NPR1: variants seen among roughly 807,000 people sequenced by gnomAD.
NPR1 encodes natriuretic peptide receptor 1.
Under a neutral mutation model 116.9 loss-of-function variants are expected in NPR1, and 57 were observed. The observed-to-expected ratio is 0.49, with a 90% CI of 0.39 to 0.61. NPR1 has a LOEUF of 0.61. NPR1 is among the 20% of genes least tolerant of loss of function. The probability of loss-of-function intolerance (pLI) is 0.00; values close to 1 mark genes in which losing one functional copy is unlikely to be tolerated. For missense variants in NPR1, 1,096 were observed against 1,409.8 expected, an observed-to-expected ratio of 0.78 and a Z score of 3.56; for synonymous variants, 555 against 601.6, an observed-to-expected ratio of 0.92 and a Z score of 1.13.
At chr1:153,683,624 C>T in intron 6 of NPR1, 113 bp downstream of exon 6, 1 of 1,546,362 alleles carries the variant, frequency 6.5e-7, no homozygotes, top group Non-Finnish European at 8.9e-7. Flanking sequence ...AGAATGACTC[C>T]TGCCTTTTTC....
rs1315832448 is a variant in NPR1, at chr1:153,678,754, C to T, written c.-355C>T. On this transcript the variant is annotated 5_prime_UTR_variant, in exon 1 of 22. Transcript: ENST00000368680. This position sits in a 1 kb window ranked among gnomAD's most constrained non-coding sequence, Gnocchi z 5.8. Reference sequence around the variant, plus strand: ...ACTCCTCTTTCCTCCCTCGCGCGCCCTCTCTCATCCTTCTTCACGAAGCGC... The same window carrying T: ...ACTCCTCTTTCCTCCCTCGCGCGCCTTCTCTCATCCTTCTTCACGAAGCGC... The T allele has an allele frequency of 1.3e-5, 4 of 300,836 alleles. No homozygotes were observed. Among genetic ancestry groups the T allele is most frequent in the South Asian group, 9.6e-5 (1 of 10,408 alleles). 18.6% of individuals were successfully genotyped at this position (300,836 alleles called of 1,614,324 possible). A position where few individuals can be genotyped will look rare whatever the true frequency, so the allele number is the denominator to read the frequency against.
intron 19 of NPR1, 28 bp from the exon 20 acceptor site, chr1:153,690,256 G>C: frequency 6.5e-7 from 1 of 1,531,536 alleles, no homozygotes; most frequent in Non-Finnish European, 8.9e-7. Context: ...TCGCTGATGG[G>C]CTCTGCTCCT....
At chr1:153,682,694 C>A in intron 5 of NPR1, 105 bp downstream of exon 5, 1 of 829,502 alleles carries the variant, frequency 1.2e-6, no homozygotes, top group Non-Finnish European at 2.0e-6. Context: ...TGTAGCCATT[C>A]CACCATGCCT....
intron 9 of NPR1, 21 bp downstream of exon 9, chr1:153,685,901 C>T: frequency 1.2e-6 from 2 of 1,606,344 alleles, no homozygotes; most frequent in Non-Finnish European, 1.7e-6. Flanking sequence ...GGAAAGATCA[C>T]TGGGCCTTGG....
At chr1:153,682,111 G>A (rs1408165966) in intron 4 of NPR1, among the ~76,000 whole-genome samples, 2 of 151,830 alleles carry the variant, frequency 1.3e-5, no homozygotes, top group Non-Finnish European at 2.9e-5. Context: ...CTGGAGTGTG[G>A]TGGTGCAATC....
rs1670134911 is a variant in NPR1 at position 153,692,509 on chromosome 1, T to G, written c.3032-597T>G. Among the ~76,000 whole-genome samples the G allele has an allele frequency of 3.6e-4, 10 of 27,728 alleles. 1 individual carries two copies. In the South Asian group the frequency reaches 0.017, roughly 47 times the overall value. 18.2% of individuals were successfully genotyped at this position (27,728 alleles called of 152,430 possible). ...GTGACGGGTGCAACTGAGGCCCTGA[T>G]TTTTTTTTTTTTTTTTGGAGACAGA... is the stretch of plus-strand genomic sequence containing the variant. On this transcript the variant is annotated intron_variant, in intron 20 of 21. Transcript: ENST00000368680.
intron 2 of NPR1, 45 bp from the exon 3 acceptor site, chr1:153,681,135 A>C: frequency 8.3e-7 from 1 of 1,205,514 alleles, no homozygotes; most frequent in Non-Finnish European, 1.2e-6. Flanking sequence ...GTACTAGGGA[A>C]TAGTCAGCTC....
chr1:153,688,240 G>A lies in NPR1; in HGVS notation c.2417+19G>A. 3 of 1,609,222 alleles carry A rather than the reference G, an allele frequency of 1.9e-6. No individual in the cohort carries two copies. Among genetic ancestry groups the A allele is most frequent in the Non-Finnish European group, 2.5e-6 (3 of 1,177,070 alleles). ...TTAACAGGTCCCTGGTGTTTGTCATGGATCCCCCAGGCCCTTCCTCCACAG... is the reference window on the plus strand; with the variant it reads ...TTAACAGGTCCCTGGTGTTTGTCATAGATCCCCCAGGCCCTTCCTCCACAG... On this transcript the variant is annotated intron_variant, in intron 15 of 21. Coordinates refer to ENST00000368680, the MANE Select transcript of NPR1 (RefSeq NM_000906.4).
Position 153,679,192 on chromosome 1 carries a change from G to C in NPR1, c.84G>C (p.Arg28=), listed in dbSNP as rs1490587564. Residue 28 remains arginine (R), a synonymous_variant, in exon 1 of 22, where the codon CGG becomes CGC. Transcript: ENST00000368680. This position sits in a 1 kb window ranked among gnomAD's most constrained non-coding sequence, Gnocchi z 4.2. The part of the protein sequence containing the change: ...LLLPPLLLLL[R]GSHAGNLTVA... ...TGCCGCCGCTGCTGCTGCTGCTCCG[G>C]GGCAGCCACGCGGGCAACCTGACGG... 2.0e-6 allele frequency: 3 copies of C among 1,512,746 alleles called. No homozygotes were observed. Among genetic ancestry groups the C allele is most frequent in the Non-Finnish European group, 1.8e-6 (2 of 1,135,798 alleles). The allele number at this position is 1,512,746 out of a possible 1,614,324, so 93.7% of individuals were successfully genotyped here. A position where few individuals can be genotyped will look rare whatever the true frequency, so the allele number is the denominator to read the frequency against.
chr1:153,683,920 G>A, intron 7 of NPR1, 96 bp downstream of exon 7: 1 of 1,038,696 alleles, frequency 9.6e-7, no homozygotes, highest in Non-Finnish European at 1.5e-6. Flanking sequence ...GGGCAGGGGT[G>A]AAGGGGCACC....
intron 19 of NPR1, 90 bp from the exon 20 acceptor site, chr1:153,690,194 T>C (rs2101740062): frequency 1.1e-6 from 1 of 894,032 alleles, no homozygotes; most frequent in Non-Finnish European, 1.7e-6. Flanking sequence ...TCCTGCCTCC[T>C]GCCTGTCTTG....
chr1:153,678,817 AACACGCACGCACACTCCCAGTTGTTC>A lies in NPR1; in HGVS notation c.-287_-262del, dbSNP rs1669671659. On this transcript the variant is annotated 5_prime_UTR_variant, in exon 1 of 22. Coordinates refer to ENST00000368680, the MANE Select transcript of NPR1 (RefSeq NM_000906.4). This position sits in a 1 kb window ranked among gnomAD's most constrained non-coding sequence, Gnocchi z 5.8. ...TTTCTCTCTCTCTCTCTCTCTCTCT[AACACGCACGCACACTCCCAGTTGTTC>A]ACACTCGGGTCCTCTCCAGCCCGAC... The A allele has an allele frequency of 2.6e-6, 1 of 385,350 alleles. No homozygotes were observed. The highest frequency in any genetic ancestry group is 2.3e-5 in the African/African-American group (1 of 42,886). The allele number at this position is 385,350 out of a possible 1,614,324, so 23.9% of individuals were successfully genotyped here. A position where few individuals can be genotyped will look rare whatever the true frequency, so the allele number is the denominator to read the frequency against.
At chr1:153,683,043 C>G (rs1485005119) in intron 5 of NPR1, among the ~76,000 whole-genome samples, 1 of 152,228 alleles carries the variant, frequency 6.6e-6, no homozygotes. Flanking sequence ...TTACCTTCTC[C>G]TGTTTTCTAC....
rs777051534 is a variant in NPR1, at chr1:153,693,141, G to T, written c.3067G>T (p.Val1023Phe). 8.7e-6 allele frequency: 14 copies of T among 1,614,062 alleles called. No homozygotes were observed. Among genetic ancestry groups the T allele is most frequent in the Non-Finnish European group, 1.2e-5 (14 of 1,179,958 alleles). Residue 1023 changes from valine to phenylalanine, a missense_variant, in exon 21 of 22, where the codon GTC becomes TTC. Physicochemically the swap from Val to Phe is conservative, Grantham distance 50. Transcript: ENST00000368680. Reference sequence around the variant, plus strand: ...CCACTTGTCTTCTGAGACCAAGGCTGTCCTGGAGGAGTTTGGTGGTTTCGA... The same window carrying T: ...CCACTTGTCTTCTGAGACCAAGGCTTTCCTGGAGGAGTTTGGTGGTTTCGA... ...KIHLSSETKA[V>F]LEEFGGFELE...
rs770660799 is a variant in NPR1, at chr1:153,685,834, CCA to C, written c.1637_1638del (p.Thr546ArgfsTer14). On this transcript the variant is annotated frameshift_variant, in exon 9 of 22. Coordinates refer to ENST00000368680, the MANE Select transcript of NPR1 (RefSeq NM_000906.4). LOFTEE classifies it high-confidence loss of function. ...GGCTCCAATTACGGCTCCCTGCTAACCACAGAGGGCCAGTTCCAAGTCTTTGC... is the reference window on the plus strand; with the variant it reads ...GGCTCCAATTACGGCTCCCTGCTAACCAGAGGGCCAGTTCCAAGTCTTTGC... 1.9e-6 allele frequency: 3 copies of C among 1,614,132 alleles called. No individual in the cohort carries two copies. Among genetic ancestry groups the C allele is most frequent in the Admixed American group, 1.7e-5 (1 of 60,014 alleles).
intron 7 of NPR1, among the ~76,000 whole-genome samples, chr1:153,684,612 G>T (rs1339145287): frequency 6.6e-6 from 1 of 151,890 alleles, no homozygotes; most frequent in Non-Finnish European, 1.5e-5. Flanking sequence ...GGATGGTCTC[G>T]ATCTCTTGAC....
At position 153,688,129 on chromosome 1, in the gene NPR1, G is replaced by T. The variant is rs748582578; in HGVS notation, c.2325G>T (p.Glu775Asp). Residue 775 changes from glutamate to aspartate, a missense_variant, in exon 15 of 22, where the codon GAG becomes GAT. Glu to Asp is a conservative substitution (Grantham distance 45, BLOSUM62 2). Transcript: ENST00000368680. ...PSLALQSHLE[E>D]LGLLMQRCWA... is the part of the protein sequence containing the mutation. ...TGGCCCTGCAGAGTCACCTGGAGGAGTTGGGGCTGCTCATGCAGCGGTGCT... is the reference window on the plus strand; with the variant it reads ...TGGCCCTGCAGAGTCACCTGGAGGATTTGGGGCTGCTCATGCAGCGGTGCT... 6.6e-5 allele frequency: 106 copies of T among 1,613,742 alleles called. No individual in the cohort carries two copies. Among genetic ancestry groups the T allele is most frequent in the Non-Finnish European group, 8.4e-5 (99 of 1,179,856 alleles).
chr1:153,679,223 GTGGTACTGCCGC>G lies in NPR1; in HGVS notation c.119_130del (p.Val40_Leu43del). On this transcript the variant is annotated inframe_deletion, in exon 1 of 22. Transcript: ENST00000368680. The surrounding 1 kb of genome is among the most constrained non-coding windows in gnomAD (Gnocchi z 4.2). ...CCACGCGGGCAACCTGACGGTAGCC[GTGGTACTGCCGC>G]TGGCCAATACCTCGTACCCCTGGTC... The G allele has an allele frequency of 6.6e-7, 1 of 1,523,644 alleles. No homozygotes were observed. Among genetic ancestry groups the G allele is most frequent in the African/African-American group, 1.4e-5 (1 of 70,220 alleles). The allele number at this position is 1,523,644 out of a possible 1,614,324, so 94.4% of individuals were successfully genotyped here. A position where few individuals can be genotyped will look rare whatever the true frequency, so the allele number is the denominator to read the frequency against.
Position 153,679,878 on chromosome 1 carries a change from C to G in NPR1, c.721+49C>G, listed in dbSNP as rs1322545058. 6.6e-7 allele frequency: 1 copy of G among 1,517,698 alleles called. No homozygotes were observed. The highest frequency in any genetic ancestry group is 8.8e-7 in the Non-Finnish European group (1 of 1,141,116). 94.0% of individuals were successfully genotyped at this position (1,517,698 alleles called of 1,614,324 possible). On this transcript the variant is annotated intron_variant, in intron 1 of 21. Transcript: ENST00000368680. The surrounding 1 kb of genome is among the most constrained non-coding windows in gnomAD (Gnocchi z 4.2). ...CCGCCGCTTAGCCGCAGGGCCTCCC[C>G]TCTGACCTGCCGGAGGCATCGGGAC...
Sources: gnomAD v4.1 joint callset for allele counts (sites outside exome capture counted in the v4.1 genomes callset) on GRCh38, gnomAD v4.1.1 for gene constraint, Gnocchi (gnomAD v3.1) non-coding constraint, MANE v1.5 for transcripts, NCBI Gene and HGNC (gene_info 2026-07-23, HGNC 2026-07-21) for gene names.